Variants in TTC21B observed in about 807,000 individuals in gnomAD.
The protein encoded by TTC21B is tetratricopeptide repeat domain 21B.
A neutral mutation model predicts 175.1 loss-of-function variants in TTC21B; 127 were observed. That is an observed-to-expected ratio of 0.73 (90% CI 0.63 to 0.84). The LOEUF (loss-of-function observed/expected upper bound fraction) is 0.84. Ranked by LOEUF, TTC21B falls within the 40% of genes least tolerant of loss-of-function variation. The pLI, the probability that TTC21B is intolerant of heterozygous loss-of-function variation, is 0.00. For synonymous variants in TTC21B, 524 were observed against 524.5 expected (o/e 1.00, Z 0.01); for missense variants, 1,561 against 1,558.3 (o/e 1.00, Z -0.03).
intron 8 of TTC21B, among the ~76,000 whole-genome samples, chr2:165,931,336 A>G (rs192972609): frequency 6.6e-6 from 1 of 152,254 alleles, no homozygotes. Flanking sequence ...AGCTTATAAT[A>G]AAAACATTTC....
At chr2:165,910,281 T>C (rs1000830427) in intron 18 of TTC21B, among the ~76,000 whole-genome samples, 1 of 152,016 alleles carries the variant, frequency 6.6e-6, no homozygotes, top group African/African-American at 2.4e-5. Flanking sequence ...CAGGGGCCTG[T>C]AGTCCCAGCT....
Position 165,933,030 on chromosome 2 carries a change from C to T in TTC21B, c.738G>A (p.Val246=). The T allele has an allele frequency of 6.2e-7, 1 of 1,612,818 alleles. No individual in the cohort carries two copies. The highest frequency in any genetic ancestry group is 8.5e-7 in the Non-Finnish European group (1 of 1,179,444). The change falls in exon 7 of 29, where the codon GTG becomes GTA. Residue 246 remains valine, a synonymous_variant. Coordinates refer to ENST00000243344, the MANE Select transcript of TTC21B (RefSeq NM_024753.5). ...AGAGTGCCTGCATTCTCAGTGCTTC[C>T]ACATTTTGGCTATCTTGGAGCAGCA... ...QRLLLQDSQN[V]EALRMQALYY...
At chr2:165,876,269 T>G in intron 27 of TTC21B, 37 bp from the exon 28 acceptor site, 1 of 1,228,098 alleles carries the variant, frequency 8.1e-7, no homozygotes, top group East Asian at 2.3e-5. Flanking sequence ...AATGATGGAG[T>G]ACACTGCTAC....
chr2:165,918,890 A>C (rs1161036096), intron 13 of TTC21B, among the ~76,000 whole-genome samples: 1 of 152,230 alleles, frequency 6.6e-6, no homozygotes, highest in African/African-American at 2.4e-5. Context: ...ACTAAGGTCC[A>C]AGAAATAAAC....
At position 165,916,945 on chromosome 2, in the gene TTC21B, C is replaced by T. The variant is rs145951763; in HGVS notation, c.1899+312G>A. Among the ~76,000 whole-genome samples the T allele has an allele frequency of 0.015, 2,261 of 152,184 alleles. 69 individuals carry two copies. Among genetic ancestry groups the T allele is most frequent in the African/African-American group, 0.052 (2,174 of 41,524 alleles). On this transcript the variant is annotated intron_variant, in intron 14 of 28. Transcript: ENST00000243344. ...AGGCTGGAGTGCAGTGGCATCATCT[C>T]GGCTCACTGCAACCTCCGCCTCCTA...
At chr2:165,947,924 T>C (rs1441840791) in intron 3 of TTC21B, 2 of 152,210 alleles carry the variant, frequency 1.3e-5, no homozygotes, top group South Asian at 2.1e-4. Context: ...GAATCAACAC[T>C]GGTAAGAATA....
At chr2:165,913,709 T>C (rs1686042233) in intron 15 of TTC21B, 63 bp from the exon 16 acceptor site, 1 of 1,390,426 alleles carries the variant, frequency 7.2e-7, no homozygotes, top group Non-Finnish European at 1.0e-6. Context: ...AAAAATAAAA[T>C]AAAATAAAAA....
Position 165,943,212 on chromosome 2 carries a change from A to C in TTC21B, c.552+7T>G. 1.9e-6 allele frequency: 3 copies of C among 1,613,492 alleles called. No individual in the cohort carries two copies. The highest frequency in any genetic ancestry group is 2.5e-6 in the Non-Finnish European group (3 of 1,179,544). On this transcript the variant is annotated splice_region_variant and intron_variant, in intron 5 of 28. Coordinates refer to ENST00000243344, the MANE Select transcript of TTC21B (RefSeq NM_024753.5). ...AACATGATTTATTTACCCTAACTCC[A>C]ACTCACCTTACCCAGCAGAGCAAAA... is the stretch of plus-strand genomic sequence containing the variant.
At chr2:165,911,216 T>A in intron 18 of TTC21B, 111 bp downstream of exon 18, 1 of 1,384,570 alleles carries the variant, frequency 7.2e-7, no homozygotes, top group Non-Finnish European at 1.0e-6. Context: ...CATGTATTTA[T>A]ATAACCAACC....
intron 19 of TTC21B, among the ~76,000 whole-genome samples, chr2:165,907,318 G>GT (rs1386699121): frequency 1.3e-5 from 2 of 151,822 alleles, no homozygotes; most frequent in Non-Finnish European, 2.9e-5. Context: ...GGAAATCTGT[G>GT]TAAAACCTCT....
chr2:165,953,730 G>GGCTCT lies in TTC21B; in HGVS notation c.-30_-26dup, dbSNP rs1687838964. On this transcript the variant is annotated 5_prime_UTR_variant, in exon 1 of 29. Coordinates refer to ENST00000243344, the MANE Select transcript of TTC21B (RefSeq NM_024753.5). ...TGGCTGCCCCGAGGCCGGGCCGCGG[G>GGCTCT]GCTCTGGGGATTGTCTCGCCGCAGC... 6.5e-7 allele frequency: 1 copy of GGCTCT among 1,549,144 alleles called. No homozygotes were observed. Among genetic ancestry groups the GGCTCT allele is most frequent in the African/African-American group, 1.4e-5 (1 of 73,064 alleles).
intron 4 of TTC21B, among the ~76,000 whole-genome samples, chr2:165,944,104 C>T (rs989324671): frequency 6.6e-6 from 1 of 152,100 alleles, no homozygotes; most frequent in Non-Finnish European, 1.5e-5. Context: ...TTAACCAATG[C>T]TATGTGCTAA....
At chr2:165,903,663 T>G (rs1207019617) in intron 19 of TTC21B, among the ~76,000 whole-genome samples, 2 of 152,228 alleles carry the variant, frequency 1.3e-5, no homozygotes, top group Non-Finnish European at 2.9e-5. Context: ...TGGAAAAGTC[T>G]GAAATGTTTA....
intron 25 of TTC21B, among the ~76,000 whole-genome samples, chr2:165,885,725 A>G (rs1005478291): frequency 6.6e-6 from 1 of 152,232 alleles, no homozygotes; most frequent in East Asian, 1.9e-4. Context: ...ATTAGAACGT[A>G]TCGGTTCTTC....
chr2:165,897,962 G>A (rs112539887), intron 22 of TTC21B, among the ~76,000 whole-genome samples: 1,811 of 152,258 alleles, frequency 0.012, 37 homozygotes, highest in African/African-American at 0.041. Context: ...GGGGGTCACC[G>A]ACCACATTGC....
rs774744374 is a variant in TTC21B at position 165,949,412 on chromosome 2, T to G, written c.244A>C (p.Lys82Gln). The G allele has an allele frequency of 1.2e-6, 2 of 1,612,380 alleles. No homozygotes were observed. Among genetic ancestry groups the G allele is most frequent in the Admixed American group, 1.7e-5 (1 of 60,028 alleles). ...ATCATACCTGGATTAGGACTCATTT[T>G]ATGGGCATATATCAGTGCAAGTAGA... ...CSLLALIYAHKMSPNPDREAI... is the reference protein window; with the variant it reads ...CSLLALIYAHQMSPNPDREAI... The change falls in exon 3 of 29, where the codon AAA becomes CAA. Residue 82 changes from lysine (K) to glutamine (Q), a missense_variant. Coordinates refer to ENST00000243344, the MANE Select transcript of TTC21B (RefSeq NM_024753.5).
chr2:165,888,592 T>C (rs559040494), intron 24 of TTC21B, 118 bp from the exon 25 acceptor site: 1 of 754,600 alleles, frequency 1.3e-6, no homozygotes, highest in Admixed American at 2.3e-5. Context: ...TTTTTGTCAC[T>C]CATTTAAAAG....
At chr2:165,902,673 T>C (rs1198955256) in intron 19 of TTC21B, among the ~76,000 whole-genome samples, 2 of 152,354 alleles carry the variant, frequency 1.3e-5, no homozygotes, top group East Asian at 3.9e-4. Context: ...TATGTCAGTA[T>C]ATGTACCTTT....
At chr2:165,913,283 C>T (rs768181876) in intron 16 of TTC21B, among the ~76,000 whole-genome samples, 1 of 152,144 alleles carries the variant, frequency 6.6e-6, no homozygotes, top group African/African-American at 2.4e-5. Flanking sequence ...GCCTTGGCCT[C>T]CCAAAGTGCT....
Sources: gnomAD v4.1 joint callset for allele counts (sites outside exome capture counted in the v4.1 genomes callset) on GRCh38, gnomAD v4.1.1 for gene constraint, MANE v1.5 for transcripts, NCBI Gene and HGNC (gene_info 2026-07-23, HGNC 2026-07-21) for gene names.